Variants in EBF1 observed in about 807,000 individuals in gnomAD.
EBF1 encodes the protein EBF transcription factor 1, also known as transcription factor COE1.
EBF1 carries 10 observed loss-of-function variants against 68.4 expected under a neutral mutation model. The observed-to-expected ratio is 0.15, with a 90% confidence interval of 0.09 to 0.25. The LOEUF (loss-of-function observed/expected upper bound fraction) is 0.25. Ranked by LOEUF, EBF1 falls within the 10% of genes least tolerant of loss-of-function variation. EBF1 has a pLI of 1.00. For missense variants in EBF1, 509 were observed against 794.4 expected, an observed-to-expected ratio of 0.64 and a Z score of 4.32; for synonymous variants, 298 against 299.8, an observed-to-expected ratio of 0.99 and a Z score of 0.06.
intron 6 of EBF1, among the ~76,000 whole-genome samples, chr5:159,020,403 C>G (rs1234354270): frequency 6.6e-6 from 1 of 152,196 alleles, no homozygotes; most frequent in African/African-American, 2.4e-5. Context: ...TTGGCAGAAA[C>G]AAGGCTCTGC....
At chr5:158,969,877 AAAG>A (rs1755085425) in intron 6 of EBF1, among the ~76,000 whole-genome samples, 1 of 98,960 alleles carries the variant, frequency 1.0e-5, no homozygotes, top group Non-Finnish European at 2.3e-5. Flanking sequence ...AGAAAGAAAG[AAAG>A]AAAGAAAGAA....
chr5:158,939,646 T>C (rs1812804103), intron 6 of EBF1, among the ~76,000 whole-genome samples: 2 of 151,628 alleles, frequency 1.3e-5, no homozygotes, highest in African/African-American at 4.9e-5. Context: ...TGGTGGAATG[T>C]GGACATCTGC....
chr5:159,024,503 G>C (rs918565525), intron 6 of EBF1, among the ~76,000 whole-genome samples: 1 of 151,990 alleles, frequency 6.6e-6, no homozygotes, highest in Admixed American at 6.6e-5. Context: ...ATGCAACAAA[G>C]AAAAAAATCA....
At chr5:159,080,677 T>C (rs573045275) in intron 5 of EBF1, among the ~76,000 whole-genome samples, 1 of 152,362 alleles carries the variant, frequency 6.6e-6, no homozygotes, top group South Asian at 2.1e-4. Context: ...AGATATTCAG[T>C]ACTTACTGTG....
At chr5:158,976,405 T>C (rs1228526452) in intron 6 of EBF1, among the ~76,000 whole-genome samples, 1 of 151,342 alleles carries the variant, frequency 6.6e-6, no homozygotes, top group African/African-American at 2.4e-5. Flanking sequence ...AATAAATCAC[T>C]AGGAATGTAA....
At chr5:158,834,725 C>G (rs1788359383) in intron 7 of EBF1, among the ~76,000 whole-genome samples, 1 of 152,202 alleles carries the variant, frequency 6.6e-6, no homozygotes, top group Non-Finnish European at 1.5e-5. Context: ...CTTTCCATGT[C>G]AAGAGATCAA....
intron 7 of EBF1, among the ~76,000 whole-genome samples, chr5:158,837,867 C>T (rs1343516843): frequency 6.6e-6 from 1 of 152,146 alleles, no homozygotes; most frequent in Non-Finnish European, 1.5e-5. Context: ...ATTAGACATA[C>T]ACTGTTTCAC....
chr5:158,961,211 T>C (rs936005051), intron 6 of EBF1, among the ~76,000 whole-genome samples: 29 of 152,178 alleles, frequency 1.9e-4, no homozygotes, highest in African/African-American at 6.5e-4. Context: ...TAACACATAG[T>C]GAAAGTGTAA....
intron 7 of EBF1, among the ~76,000 whole-genome samples, chr5:158,827,749 CA>C (rs1345573277): frequency 6.6e-6 from 1 of 152,158 alleles, no homozygotes; most frequent in Non-Finnish European, 1.5e-5. Flanking sequence ...ATCACATTAA[CA>C]AAAGTAGCAG....
chr5:158,950,019 G>A (rs150313143), intron 6 of EBF1, among the ~76,000 whole-genome samples: 72 of 152,326 alleles, frequency 4.7e-4, no homozygotes, highest in African/African-American at 1.7e-3. Context: ...TCCCAGTGGT[G>A]TACAGTGGTG....
chr5:158,752,982 G>T (rs1236202607), intron 10 of EBF1, among the ~76,000 whole-genome samples: 3 of 151,880 alleles, frequency 2.0e-5, no homozygotes, highest in Non-Finnish European at 4.4e-5. Flanking sequence ...AGAAAGAAAG[G>T]GTATGTTCTT....
rs141618174 is a variant in EBF1, at chr5:158,899,560, G to C, written c.555-59450C>G. Among the ~76,000 whole-genome samples, 707 of 152,332 alleles carry C rather than the reference G, an allele frequency of 4.6e-3. 7 individuals are homozygous for C. Among genetic ancestry groups the C allele is most frequent in the African/African-American group, 0.016 (681 of 41,578 alleles). On this transcript the variant is annotated intron_variant, in intron 6 of 15. Coordinates refer to ENST00000313708, the MANE Select transcript of EBF1 (RefSeq NM_024007.5). ...ATGTCCCTCTGAATCCCAATGATCTGCTTTGGCCAAAATCAGACACCAAAG... is the reference window on the plus strand; with the variant it reads ...ATGTCCCTCTGAATCCCAATGATCTCCTTTGGCCAAAATCAGACACCAAAG...
chr5:158,921,553 C>T (rs1583184140), intron 6 of EBF1, among the ~76,000 whole-genome samples: 1 of 152,226 alleles, frequency 6.6e-6, no homozygotes, highest in African/African-American at 2.4e-5. Context: ...GGTCATCCTT[C>T]AGGTTCACAA....
chr5:158,778,080 T>C (rs925916782), intron 9 of EBF1, among the ~76,000 whole-genome samples: 4 of 152,012 alleles, frequency 2.6e-5, no homozygotes, highest in Non-Finnish European at 5.9e-5. Context: ...TCTGCCTCCC[T>C]GGAATAGCTT....
At chr5:158,816,876 T>G (rs1336755406) in intron 8 of EBF1, among the ~76,000 whole-genome samples, 1 of 152,122 alleles carries the variant, frequency 6.6e-6, no homozygotes, top group Admixed American at 6.5e-5. Context: ...AAGGAGTAAT[T>G]AGGGGGACAG....
At chr5:158,902,060 C>T (rs1050595428) in intron 6 of EBF1, among the ~76,000 whole-genome samples, 1 of 152,142 alleles carries the variant, frequency 6.6e-6, no homozygotes, top group African/African-American at 2.4e-5. Flanking sequence ...CACTGCACTC[C>T]AGCCTGGGCA....
intron 15 of EBF1, 117 bp from the exon 16 acceptor site, chr5:158,699,259 A>C: frequency 9.5e-7 from 1 of 1,050,572 alleles, no homozygotes; most frequent in Non-Finnish European, 1.4e-6. Flanking sequence ...TTCGACTATT[A>C]GCCACAAATT....
intron 6 of EBF1, among the ~76,000 whole-genome samples, chr5:158,925,186 G>A (rs989406308): frequency 6.6e-6 from 1 of 152,168 alleles, no homozygotes; most frequent in Non-Finnish European, 1.5e-5. Context: ...CCAATCTAAA[G>A]TAATCCCTAT....
At chr5:158,874,810 A>G (rs971982513) in intron 6 of EBF1, among the ~76,000 whole-genome samples, 3 of 152,212 alleles carry the variant, frequency 2.0e-5, no homozygotes, top group Non-Finnish European at 4.4e-5. Context: ...TTTTACACCT[A>G]CAGTAATATA....
Sources: allele counts gnomAD v4.1 joint callset (sites outside exome capture counted in the v4.1 genomes callset), GRCh38; gene constraint gnomAD v4.1.1; transcripts MANE v1.5; gene names NCBI Gene and HGNC (gene_info 2026-07-23, HGNC 2026-07-21).